TPRG1: variants seen among roughly 807,000 people sequenced by gnomAD.
The protein encoded by TPRG1 is tumor protein p63-regulated gene 1 protein.
A neutral mutation model predicts 29.3 loss-of-function variants in TPRG1; 29 were observed. That is an observed-to-expected ratio of 0.99 (90% CI 0.74 to 1.35). The LOEUF (loss-of-function observed/expected upper bound fraction) is 1.35, where lower values mean the gene tolerates loss of function less well. Among genes scored for constraint, TPRG1 ranks in the 40% most tolerant of loss-of-function variants. The probability of loss-of-function intolerance (pLI) is 0.00; values close to 1 mark genes in which losing one functional copy is unlikely to be tolerated. For missense variants in TPRG1, 327 were observed against 335.0 expected (o/e 0.98, Z 0.19); for synonymous variants, 130 against 116.8 (o/e 1.11, Z -0.73).
At chr3:189,107,101 C>T (rs1560450679) in intron 1 of TPRG1, among the ~76,000 whole-genome samples, 1 of 151,762 alleles carries the variant, frequency 6.6e-6, no homozygotes, top group Non-Finnish European at 1.5e-5. Flanking sequence ...CTGTTTAGAG[C>T]TGTTTTAGGT....
At chr3:189,009,867 T>C (rs561111962) in intron 3 of TPRG1, among the ~76,000 whole-genome samples, 83 of 152,110 alleles carry the variant, frequency 5.5e-4, no homozygotes, top group African/African-American at 2.0e-3. Flanking sequence ...ATGTGTGCCA[T>C]GGTGGTTTGC....
rs934115788 is a variant in TPRG1 at position 189,101,621 on chromosome 3, CT to C, written c.-744+1420del. 2.0e-5 allele frequency among the ~76,000 whole-genome samples: 3 copies of C among 152,184 alleles called. No individual in the cohort carries two copies. The East Asian group carries it at 5.8e-4, about 29-fold the overall frequency. On this transcript the variant is annotated intron_variant, in intron 1 of 6. Transcript: ENST00000412373. Reference sequence around the variant, plus strand: ...TATTCGGGACCATCCAATTCCTTGACTTTCAGAAACTTCAGGATCTCATTTT... The same window carrying C: ...TATTCGGGACCATCCAATTCCTTGACTTCAGAAACTTCAGGATCTCATTTT...
chr3:189,005,517 G>T (rs1309043253), intron 3 of TPRG1, among the ~76,000 whole-genome samples: 1 of 152,062 alleles, frequency 6.6e-6, no homozygotes, highest in Admixed American at 6.6e-5. Context: ...AGCCAAAGTT[G>T]AATATTTAGT....
At chr3:189,061,721 TCAAAACCACAA>T (rs1214375973) in intron 4 of TPRG1, among the ~76,000 whole-genome samples, 32 of 152,200 alleles carry the variant, frequency 2.1e-4, no homozygotes, top group African/African-American at 7.5e-4. Flanking sequence ...GAAATGCCAA[TCAAAACCACAA>T]CGAGATGCCA....
intron 3 of TPRG1, among the ~76,000 whole-genome samples, chr3:189,231,791 T>C (rs1001148095): frequency 6.6e-6 from 1 of 152,156 alleles, no homozygotes. Flanking sequence ...TTGGTGAAGA[T>C]TAAAAGAGAT....
intron 1 of TPRG1, among the ~76,000 whole-genome samples, chr3:189,114,701 G>A (rs561484736): frequency 2.8e-4 from 42 of 152,142 alleles, no homozygotes; most frequent in African/African-American, 9.6e-4. Flanking sequence ...TGCAGGCTTG[G>A]CCTGTGTCAT....
chr3:189,162,919 C>T (rs971613850), intron 5 of TPRG1, among the ~76,000 whole-genome samples: 1 of 152,266 alleles, frequency 6.6e-6, no homozygotes, highest in African/African-American at 2.4e-5. Flanking sequence ...ACATGATAAG[C>T]ACTATATAAG....
At chr3:189,316,568 C>A (rs1209463035) in intron 5 of TPRG1, among the ~76,000 whole-genome samples, 1 of 152,180 alleles carries the variant, frequency 6.6e-6, no homozygotes, top group Non-Finnish European at 1.5e-5. Flanking sequence ...AGGCAATGAA[C>A]TGTTGGCAGA....
intron 2 of TPRG1, among the ~76,000 whole-genome samples, chr3:189,210,002 G>T (rs1019515014): frequency 1.3e-5 from 2 of 151,936 alleles, no homozygotes; most frequent in African/African-American, 4.8e-5. Context: ...AAATATAACT[G>T]TTGGCTTAAC....
Position 189,321,935 on chromosome 3 carries a change from C to T in TPRG1, c.*1115C>T, listed in dbSNP as rs1212920982. ...TTTTCAAAAACACTGTCTTAACACT[C>T]TATTGTCATTGCTCTTTTCCCTCTT... is the stretch of plus-strand genomic sequence containing the variant. On this transcript the variant is annotated 3_prime_UTR_variant, in exon 6 of 6. Coordinates refer to ENST00000345063, the MANE Select transcript of TPRG1 (RefSeq NM_198485.4). 2 of 152,106 alleles carry T rather than the reference C, an allele frequency of 1.3e-5. No individual in the cohort carries two copies. Among genetic ancestry groups the T allele is most frequent in the African/African-American group, 4.8e-5 (2 of 41,428 alleles). The allele number at this position is 152,106 out of a possible 1,614,324, so 9.4% of individuals were successfully genotyped here.
intron 3 of TPRG1, among the ~76,000 whole-genome samples, chr3:189,137,538 T>A (rs1723926970): frequency 6.6e-6 from 1 of 152,152 alleles, no homozygotes; most frequent in South Asian, 2.1e-4. Flanking sequence ...TGAACAGAGC[T>A]CTACATTCCA....
chr3:189,250,558 T>A (rs1419062529), intron 4 of TPRG1, among the ~76,000 whole-genome samples: 1 of 118,924 alleles, frequency 8.4e-6, no homozygotes, highest in Admixed American at 1.2e-4. Context: ...CTAAGTAGAC[T>A]AATTTGATTG....
intron 4 of TPRG1, among the ~76,000 whole-genome samples, chr3:189,307,277 G>C (rs993552167): frequency 6.6e-6 from 1 of 152,154 alleles, no homozygotes; most frequent in African/African-American, 2.4e-5. Context: ...ACCCACCTCA[G>C]CCTTCCAAAG....
chr3:189,143,335 T>G (rs1724832272), intron 3 of TPRG1, among the ~76,000 whole-genome samples: 1 of 152,188 alleles, frequency 6.6e-6, no homozygotes, highest in South Asian at 2.1e-4. Context: ...TGCTTCAAGG[T>G]TGACAATGAG....
At chr3:189,105,788 T>C (rs566243120) in intron 1 of TPRG1, among the ~76,000 whole-genome samples, 1 of 152,244 alleles carries the variant, frequency 6.6e-6, no homozygotes, top group East Asian at 1.9e-4. Flanking sequence ...TTACTAAGTA[T>C]ATAGAGATTA....
intron 4 of TPRG1, among the ~76,000 whole-genome samples, chr3:189,297,040 G>T (rs956686937): frequency 6.6e-6 from 1 of 151,964 alleles, no homozygotes; most frequent in Admixed American, 6.5e-5. Context: ...AAGTACAGTG[G>T]TGTCATCTCA....
chr3:189,246,151 T>C (rs141618255), intron 4 of TPRG1, among the ~76,000 whole-genome samples: 7 of 152,240 alleles, frequency 4.6e-5, no homozygotes, highest in Non-Finnish European at 1.0e-4. Flanking sequence ...TGATAGTGAA[T>C]AAATCTCAAT....
chr3:189,210,081 A>G (rs149477799), intron 2 of TPRG1, among the ~76,000 whole-genome samples: 2 of 152,254 alleles, frequency 1.3e-5, no homozygotes, highest in African/African-American at 2.4e-5. Context: ...CAAGTCTGCT[A>G]ATGGGTGGTA....
chr3:189,085,447 A>ACG (rs1053868413), intron 4 of TPRG1, among the ~76,000 whole-genome samples: 2 of 121,934 alleles, frequency 1.6e-5, no homozygotes, highest in African/African-American at 8.6e-5. Flanking sequence ...GTGTGTGTGC[A>ACG]TGTGTGTGTG....
Sources: gnomAD v4.1 joint callset for allele counts (sites outside exome capture counted in the v4.1 genomes callset) on GRCh38, gnomAD v4.1.1 for gene constraint, MANE v1.5 for transcripts, NCBI Gene and HGNC (gene_info 2026-07-23, HGNC 2026-07-21) for gene names.